COL22A1: variants seen among roughly 807,000 people sequenced by gnomAD.
COL22A1 encodes the protein collagen alpha-1(XXII) chain.
Under a neutral mutation model 248.9 loss-of-function variants are expected in COL22A1, and 221 were observed. The ratio of observed to expected loss-of-function variants is 0.89; its 90% CI spans 0.80 to 0.99. COL22A1 has a LOEUF of 0.99. Ranked by LOEUF, COL22A1 falls within the 50% of genes least tolerant of loss-of-function variation. The pLI is 0.00. For synonymous variants in COL22A1, 891 were observed against 793.4 expected, an observed-to-expected ratio of 1.12 and a Z score of -2.07; for missense variants, 2,240 against 2,179.0, an observed-to-expected ratio of 1.03 and a Z score of -0.56.
rs771085213 is a variant in COL22A1 at position 138,649,691 on chromosome 8, C to T, written c.3421G>A (p.Gly1141Arg). The T allele has an allele frequency of 3.1e-6, 5 of 1,613,544 alleles. No homozygotes were observed. The South Asian group carries it at 3.3e-5, about 11-fold the overall frequency. The change falls in exon 46 of 65, where the codon GGG becomes AGG. Residue 1141 changes from glycine (G) to arginine (R), a missense_variant. Transcript: ENST00000303045. The part of the protein sequence containing the change: ...KGDKGVPGKP[G>R]REGTEGKKGE... ...TTTTTCCCTTCTGTGCCTTCTCTCC[C>T]TGGCTTTCCTGGGACACCTTTGTCC...
At chr8:138,864,046 G>A (rs1469457853) in intron 3 of COL22A1, among the ~76,000 whole-genome samples, 1 of 152,086 alleles carries the variant, frequency 6.6e-6, no homozygotes, top group East Asian at 1.9e-4. Context: ...AAGAGCTTAG[G>A]GCCTTCCTCT....
At chr8:138,689,535 G>A (rs528933222) in intron 36 of COL22A1, among the ~76,000 whole-genome samples, 1 of 152,216 alleles carries the variant, frequency 6.6e-6, no homozygotes, top group South Asian at 2.1e-4. Context: ...GGCCAACATG[G>A]TGAAACCCCA....
chr8:138,621,076 C>G (rs1301011963), intron 52 of COL22A1, among the ~76,000 whole-genome samples: 5 of 152,136 alleles, frequency 3.3e-5, no homozygotes, highest in Admixed American at 6.5e-5. Flanking sequence ...CTCCCATATA[C>G]AAACTTTGAA....
chr8:138,722,320 C>T (rs1176949471), intron 25 of COL22A1: 3 of 552,372 alleles, frequency 5.4e-6, no homozygotes, highest in Non-Finnish European at 9.8e-6. Flanking sequence ...GTCTGATTTT[C>T]AGTACACTGG....
Position 138,883,112 on chromosome 8 carries a change from C to A in COL22A1, c.61G>T (p.Gly21Trp), listed in dbSNP as rs753469570. 6.3e-7 allele frequency: 1 copy of A among 1,597,150 alleles called. No individual in the cohort carries two copies. The highest frequency in any genetic ancestry group is 2.3e-5 in the East Asian group (1 of 43,922). Residue 21 changes from glycine (G) to tryptophan (W), a missense_variant, in exon 2 of 65, where the codon GGG becomes TGG. Gly to Trp is a radical substitution (Grantham distance 184). Transcript: ENST00000303045. ...GLLWMLLLWS[G>W]GGGCQAQRAG... ...CGCTGAGCCTGGCAGCCGCCGCCCCCACTCCACAGCAGCAGCATCCAGAGG... is the reference window on the plus strand; with the variant it reads ...CGCTGAGCCTGGCAGCCGCCGCCCCAACTCCACAGCAGCAGCATCCAGAGG...
At chr8:138,777,112 C>T (rs1814537495) in intron 15 of COL22A1, among the ~76,000 whole-genome samples, 1 of 152,192 alleles carries the variant, frequency 6.6e-6, no homozygotes, top group Non-Finnish European at 1.5e-5. Flanking sequence ...ATGTGAGCTC[C>T]CTGTGGGCTC....
intron 16 of COL22A1, among the ~76,000 whole-genome samples, chr8:138,771,676 G>A (rs183558290): frequency 3.2e-4 from 49 of 152,344 alleles, no homozygotes; most frequent in Non-Finnish European, 5.4e-4. Context: ...GAAGCAAGTG[G>A]GAAAAAGTAA....
intron 35 of COL22A1, among the ~76,000 whole-genome samples, chr8:138,691,151 C>T (rs1471459674): frequency 6.6e-6 from 1 of 152,146 alleles, no homozygotes; most frequent in Non-Finnish European, 1.5e-5. Flanking sequence ...TGTGGAGGAG[C>T]CTGGGTGTGG....
intron 1 of COL22A1, among the ~76,000 whole-genome samples, chr8:138,895,681 G>C (rs1015145210): frequency 6.6e-6 from 1 of 152,056 alleles, no homozygotes; most frequent in Admixed American, 6.6e-5. Flanking sequence ...ATAAATAATA[G>C]CAATATACAT....
chr8:138,690,784 G>T, intron 36 of COL22A1, 37 bp downstream of exon 36: 1 of 1,562,692 alleles, frequency 6.4e-7, no homozygotes, highest in Non-Finnish European at 8.7e-7. Context: ...CTAGCTTGGT[G>T]GCTGGGCCGT....
At chr8:138,726,468 G>A (rs948480621) in intron 23 of COL22A1, among the ~76,000 whole-genome samples, 3 of 141,628 alleles carry the variant, frequency 2.1e-5, no homozygotes, top group African/African-American at 8.0e-5. Flanking sequence ...TTGTACTCTG[G>A]CCTGGGTGCA....
In COL22A1 at chr8:138,667,334, C is replaced by T. The variant is rs909326374; in HGVS notation, c.3151-3594G>A. Among the ~76,000 whole-genome samples the T allele has an allele frequency of 2.6e-4, 40 of 152,228 alleles. No individual in the cohort carries two copies. The South Asian group carries it at 3.1e-3, about 12-fold the overall frequency. On this transcript the variant is annotated intron_variant, in intron 41 of 64. Transcript: ENST00000303045. ...ATCAGAGACCTGGACAAAAAATGTA[C>T]ACGACAAACCTAGAGAGAGAGCAAG...
rs142472315 is a variant in COL22A1, at chr8:138,616,436, T to A, written c.3871-382A>T. On this transcript the variant is annotated intron_variant, in intron 54 of 64. Coordinates refer to ENST00000303045, the MANE Select transcript of COL22A1 (RefSeq NM_152888.3). ...AGGGATCTAACCAGCTGACCCATAA[T>A]GTCACTTCCATTCTGGGCATTCAGA... Among the ~76,000 whole-genome samples, 33 of 152,310 alleles carry A rather than the reference T, an allele frequency of 2.2e-4. 1 individual carries two copies. In the East Asian group the frequency reaches 3.3e-3, roughly 15 times the overall value.
At chr8:138,704,132 C>T (rs556127368) in intron 30 of COL22A1, among the ~76,000 whole-genome samples, 9 of 152,302 alleles carry the variant, frequency 5.9e-5, no homozygotes, top group African/African-American at 1.2e-4. Flanking sequence ...CCGGGAGGCT[C>T]GAACTGGGTG....
At chr8:138,764,355 GAAAC>G (rs1283830229) in intron 16 of COL22A1, among the ~76,000 whole-genome samples, 2 of 152,228 alleles carry the variant, frequency 1.3e-5, no homozygotes, top group African/African-American at 4.8e-5. Flanking sequence ...CTTTCATCTG[GAAAC>G]AAATACTGAG....
chr8:138,822,377 A>G (rs1356555964), intron 6 of COL22A1, among the ~76,000 whole-genome samples: 3 of 152,160 alleles, frequency 2.0e-5, no homozygotes. Flanking sequence ...TGAATAAATG[A>G]TTATGTTCTC....
chr8:138,597,761 A>G (rs1206255460), intron 61 of COL22A1, among the ~76,000 whole-genome samples: 1 of 152,166 alleles, frequency 6.6e-6, no homozygotes, highest in Non-Finnish European at 1.5e-5. Flanking sequence ...AGAATCTTCT[A>G]TGTTAGTCCC....
At chr8:138,763,854 T>A (rs1833710191) in intron 16 of COL22A1, among the ~76,000 whole-genome samples, 1 of 152,182 alleles carries the variant, frequency 6.6e-6, no homozygotes, top group Non-Finnish European at 1.5e-5. Flanking sequence ...TTCTTCTCCC[T>A]CATCTCCCTT....
intron 21 of COL22A1, 115 bp from the exon 22 acceptor site, chr8:138,751,626 A>T (rs555955275): frequency 3.3e-6 from 2 of 606,782 alleles, no homozygotes; most frequent in African/African-American, 3.7e-5. Context: ...ATACCATCCC[A>T]TTCTGATGGG....
Sources: allele counts gnomAD v4.1 joint callset (sites outside exome capture counted in the v4.1 genomes callset), GRCh38; gene constraint gnomAD v4.1.1; transcripts MANE v1.5; gene names NCBI Gene and HGNC (gene_info 2026-07-23, HGNC 2026-07-21).